Variants in POC1B observed in about 807,000 individuals in gnomAD.
POC1B encodes the protein POC1 centriolar protein B, also known as POC1 centriolar protein homolog B.
A neutral mutation model predicts 60.6 loss-of-function variants in POC1B; 44 were observed. The observed-to-expected ratio is 0.73, with a 90% CI of 0.57 to 0.93. The LOEUF (loss-of-function observed/expected upper bound fraction) is 0.93, where lower values mean the gene tolerates loss of function less well. Ranked by LOEUF, POC1B falls within the 40% of genes least tolerant of loss-of-function variation. The pLI, the probability that POC1B is intolerant of heterozygous loss-of-function variation, is 0.00. For synonymous variants in POC1B, 180 were observed against 198.9 expected (o/e 0.90, Z 0.80); for missense variants, 555 against 572.3 (o/e 0.97, Z 0.31).
At chr12:89,431,395 G>A (rs557400807) in intron 10 of POC1B, among the ~76,000 whole-genome samples, 1 of 151,896 alleles carries the variant, frequency 6.6e-6, no homozygotes, top group African/African-American at 2.4e-5. Context: ...GCCTTTTAAA[G>A]CCCTTTTTAT....
At chr12:89,499,619 AT>A (rs143090619) in intron 2 of POC1B, among the ~76,000 whole-genome samples, 29,314 of 151,748 alleles carry the variant, frequency 0.19, 3,254 homozygotes, top group South Asian at 0.36. Context: ...TAAGGAAAGG[AT>A]TTTTTTTTAA....
At chr12:89,496,531 T>C (rs1287385046) in intron 3 of POC1B, among the ~76,000 whole-genome samples, 2 of 152,246 alleles carry the variant, frequency 1.3e-5, no homozygotes, top group Non-Finnish European at 2.9e-5. Context: ...TCTATTTTCA[T>C]GTATGCTTGA....
At chr12:89,468,511 A>G (rs144157420) in intron 7 of POC1B, among the ~76,000 whole-genome samples, 26 of 152,328 alleles carry the variant, frequency 1.7e-4, no homozygotes, top group Admixed American at 1.3e-4. Flanking sequence ...AGACTATCCC[A>G]CAGATTTAGT....
At chr12:89,499,624 T>G (rs1869444816) in intron 2 of POC1B, among the ~76,000 whole-genome samples, 1 of 152,042 alleles carries the variant, frequency 6.6e-6, no homozygotes. Flanking sequence ...AAAGGATTTT[T>G]TTTTAATTGT....
In POC1B at chr12:89,519,718, T is replaced by C. The variant is rs150468958; in HGVS notation, c.100+5402A>G. 4 of 152,732 alleles carry C rather than the reference T, an allele frequency of 2.6e-5. No homozygotes were observed. In the East Asian group the frequency reaches 5.8e-4, roughly 22 times the overall value. 9.5% of individuals were successfully genotyped at this position (152,732 alleles called of 1,614,324 possible). A position where few individuals can be genotyped will look rare whatever the true frequency, so the allele number is the denominator to read the frequency against. ...TTGATTTGCCATCTTATAATGAATA[T>C]GCAGGAACTTACTAATGGGTAAGTA... On this transcript the variant is annotated intron_variant, in intron 2 of 11. Transcript: ENST00000313546.
chr12:89,403,412 T>G, the POC1B span, among the ~76,000 whole-genome samples: 182 of 152,256 alleles, frequency 1.2e-3, 3 homozygotes, highest in Non-Finnish European at 1.7e-3. Context: ...CTCTCTGAAA[T>G]CAACCCTCAA....
intron 2 of POC1B, chr12:89,522,761 CTT>C (rs1221970300): frequency 2.6e-6 from 4 of 1,519,996 alleles, no homozygotes; most frequent in Admixed American, 4.6e-5. Context: ...TCTTAAGGCT[CTT>C]TGACTTTCTT....
intron 2 of POC1B, among the ~76,000 whole-genome samples, chr12:89,517,483 A>G (rs913299797): frequency 2.6e-5 from 4 of 152,056 alleles, no homozygotes; most frequent in Non-Finnish European, 5.9e-5. Context: ...AAATACAAAA[A>G]TTAGCCAGGC....
At chr12:89,496,674 A>C (rs1869264528) in intron 3 of POC1B, among the ~76,000 whole-genome samples, 1 of 152,216 alleles carries the variant, frequency 6.6e-6, no homozygotes, top group Non-Finnish European at 1.5e-5. Flanking sequence ...ATGACCTTAC[A>C]CAAATTCAAC....
At chr12:89,474,925 A>G (rs982990381) in intron 4 of POC1B, among the ~76,000 whole-genome samples, 1 of 152,082 alleles carries the variant, frequency 6.6e-6, no homozygotes, top group East Asian at 1.9e-4. Context: ...GTCCTTGTGG[A>G]GTTTGTGGGA....
intron 2 of POC1B, among the ~76,000 whole-genome samples, chr12:89,503,696 G>A (rs1222719830): frequency 1.4e-5 from 2 of 146,698 alleles, no homozygotes; most frequent in Non-Finnish European, 3.0e-5. Context: ...CTGCGACCCC[G>A]TCTGGGAGGT....
intron 4 of POC1B, among the ~76,000 whole-genome samples, chr12:89,490,909 G>A (rs1448560292): frequency 9.5e-6 from 1 of 105,548 alleles, no homozygotes; most frequent in Non-Finnish European, 1.9e-5. Flanking sequence ...CCACCACCTT[G>A]ATCCAAGCCA....
intron 10 of POC1B, among the ~76,000 whole-genome samples, chr12:89,446,239 C>A (rs1014110323): frequency 1.3e-5 from 2 of 152,294 alleles, no homozygotes; most frequent in Admixed American, 6.5e-5. Context: ...TTTGACCCAG[C>A]CATCCCATTA....
downstream of POC1B, among the ~76,000 whole-genome samples, chr12:89,415,347 A>G (rs1259213668): frequency 1.3e-5 from 2 of 152,192 alleles, no homozygotes; most frequent in South Asian, 2.1e-4. Flanking sequence ...AAAATGATTT[A>G]TTAATAACAA....
intron 2 of POC1B, chr12:89,502,542 TG>T (rs1869627955): frequency 4.5e-6 from 5 of 1,121,714 alleles, no homozygotes. Context: ...ACTAGCTTAA[TG>T]GTAAATCTAG....
chr12:89,455,166 T>C (rs1217845040), intron 10 of POC1B, among the ~76,000 whole-genome samples: 1 of 152,116 alleles, frequency 6.6e-6, no homozygotes, highest in African/African-American at 2.4e-5. Context: ...AAACCCTGTC[T>C]GTACTAAAAA....
At chr12:89,410,678 C>A in the POC1B span, among the ~76,000 whole-genome samples, 176 of 134,830 alleles carry the variant, frequency 1.3e-3, no homozygotes, top group Admixed American at 1.7e-3. Context: ...GACTCCGTCT[C>A]AAAAAAAAAA....
chr12:89,519,220 G>A (rs1870644873), intron 2 of POC1B, among the ~76,000 whole-genome samples: 1 of 152,214 alleles, frequency 6.6e-6, no homozygotes, highest in South Asian at 2.1e-4. Context: ...TAAAATAATG[G>A]TACTAACACC....
At chr12:89,523,005 C>T in intron 2 of POC1B, 1 of 1,613,856 alleles carries the variant, frequency 6.2e-7, no homozygotes, top group Non-Finnish European at 8.5e-7. Flanking sequence ...GACAATTTTG[C>T]ATTCCCACAT....
Sources: gnomAD v4.1 joint callset for allele counts (sites outside exome capture counted in the v4.1 genomes callset) on GRCh38, gnomAD v4.1.1 for gene constraint, MANE v1.5 for transcripts, NCBI Gene and HGNC (gene_info 2026-07-23, HGNC 2026-07-21) for gene names.